Variants in TMX4 observed in about 807,000 individuals in gnomAD.
TMX4 encodes the protein thioredoxin related transmembrane protein 4.
In TMX4, 23 loss-of-function variants were observed where a neutral mutation model predicts 33.3. That is an observed-to-expected ratio of 0.69 (90% confidence interval 0.50 to 0.98). The LOEUF (loss-of-function observed/expected upper bound fraction) is 0.98, where lower values mean the gene tolerates loss of function less well. TMX4 is among the 50% of genes least tolerant of loss of function. TMX4 has a pLI of 0.00. For synonymous variants in TMX4, 164 were observed against 161.5 expected, an observed-to-expected ratio of 1.02 and a Z score of -0.12; for missense variants, 399 against 448.9, an observed-to-expected ratio of 0.89 and a Z score of 1.01.
At chr20:8,010,695 GCCAAACCAGTTTCAAAT>G (rs1206756367) in intron 1 of TMX4, among the ~76,000 whole-genome samples, 2 of 152,082 alleles carry the variant, frequency 1.3e-5, no homozygotes, top group Non-Finnish European at 2.9e-5. Context: ...CCCTAAACTA[GCCAAACCAGTTTCAAAT>G]CCATCAAAGC....
At chr20:8,013,151 T>C (rs888853342) in intron 1 of TMX4, among the ~76,000 whole-genome samples, 2 of 152,080 alleles carry the variant, frequency 1.3e-5, no homozygotes, top group African/African-American at 4.8e-5. Flanking sequence ...CATAGATACA[T>C]ATATATATAA....
At chr20:8,014,892 G>A (rs1343868453) in intron 1 of TMX4, among the ~76,000 whole-genome samples, 1 of 152,154 alleles carries the variant, frequency 6.6e-6, no homozygotes, top group East Asian at 1.9e-4. Context: ...CTTCCTCCAG[G>A]CTCCCCAGGA....
At chr20:7,997,382 C>G (rs1714800622) in intron 4 of TMX4, among the ~76,000 whole-genome samples, 1 of 152,068 alleles carries the variant, frequency 6.6e-6, no homozygotes, top group Admixed American at 6.6e-5. Context: ...ATAGCCTAAT[C>G]AATCTTTTAA....
rs1426400049 is a variant in TMX4 at position 7,978,912 on chromosome 20, T to G, written c.*3339A>C. ...CAGAAGTTTCAAACTTTCCTTCTAA[T>G]TGATGAAAAGATACCCTGCTCCAAC... On this transcript the variant is annotated 3_prime_UTR_variant, in exon 8 of 8. Transcript: ENST00000246024. The G allele has an allele frequency of 6.6e-6, 1 of 152,180 alleles. No individual in the cohort carries two copies. Among genetic ancestry groups the G allele is most frequent in the Non-Finnish European group, 1.5e-5 (1 of 68,032 alleles). 9.4% of individuals were successfully genotyped at this position (152,180 alleles called of 1,614,324 possible). A position where few individuals can be genotyped will look rare whatever the true frequency, so the allele number is the denominator to read the frequency against.
chr20:7,995,863 C>T (rs114054824), intron 5 of TMX4, among the ~76,000 whole-genome samples, 163 bp downstream of exon 5: 8 of 151,934 alleles, frequency 5.3e-5, no homozygotes, highest in Non-Finnish European at 8.8e-5. Context: ...TTCTACATGA[C>T]GACATTACCA....
intron 2 of TMX4, among the ~76,000 whole-genome samples, chr20:8,004,815 T>C (rs116667145): frequency 0.011 from 1,632 of 152,304 alleles, 18 homozygotes; most frequent in Middle Eastern, 0.027. Context: ...TTACTAAACC[T>C]ATCCTAGCCT....
intron 2 of TMX4, among the ~76,000 whole-genome samples, chr20:8,002,760 T>A (rs1450847222): frequency 1.3e-5 from 2 of 152,200 alleles, no homozygotes; most frequent in Non-Finnish European, 2.9e-5. Flanking sequence ...ATTAAATCCA[T>A]ATTCAACATA....
chr20:8,001,579 G>C (rs1035777418), intron 2 of TMX4, 38 bp from the exon 3 acceptor site: 4 of 1,569,560 alleles, frequency 2.5e-6, no homozygotes, highest in Non-Finnish European at 1.7e-6. Flanking sequence ...TTACACTTAA[G>C]TCCTCCAAAA....
chr20:7,996,201 T>A (rs935920187), intron 4 of TMX4, 130 bp from the exon 5 acceptor site: 1 of 674,524 alleles, frequency 1.5e-6, no homozygotes, highest in South Asian at 2.0e-5. Context: ...CAGATTCATA[T>A]CTGTTCTTAC....
Position 7,987,388 on chromosome 20 carries a change from T to C in TMX4, c.515A>G (p.His172Arg). 1.3e-6 allele frequency: 2 copies of C among 1,569,142 alleles called. No individual in the cohort carries two copies. Among genetic ancestry groups the C allele is most frequent in the Non-Finnish European group, 1.7e-6 (2 of 1,167,194 alleles). ...GLFSISGKIW[H>R]LHNYFTVTLG... Reference sequence around the variant, plus strand: ...AGTCACTGTGAAATAGTTGTGAAGATGCTGGAATCAGAAGAAAAAAAATAA... The same window carrying C: ...AGTCACTGTGAAATAGTTGTGAAGACGCTGGAATCAGAAGAAAAAAAATAA... The change falls in exon 6 of 8, where the codon CAT (histidine) becomes CGT (arginine). Residue 172 changes from histidine to arginine, a missense_variant and splice_region_variant. His to Arg is a conservative substitution (Grantham distance 29). Coordinates refer to ENST00000246024, the MANE Select transcript of TMX4 (RefSeq NM_021156.4).
In TMX4 at chr20:7,982,227, A is replaced by G; in HGVS notation, c.*24T>C. Reference sequence around the variant, plus strand: ...AAGCTGACATATTGTTTTGGTGTGTATTCTTGAAAACGCATCATTAAATCT... The same window carrying G: ...AAGCTGACATATTGTTTTGGTGTGTGTTCTTGAAAACGCATCATTAAATCT... On this transcript the variant is annotated 3_prime_UTR_variant, in exon 8 of 8. Coordinates refer to ENST00000246024, the MANE Select transcript of TMX4 (RefSeq NM_021156.4). 1 of 1,600,094 alleles carries G rather than the reference A, an allele frequency of 6.2e-7. No homozygotes were observed. Among genetic ancestry groups the G allele is most frequent in the African/African-American group, 1.3e-5 (1 of 74,682 alleles).
chr20:8,008,351 T>C (rs1266813813), intron 2 of TMX4, among the ~76,000 whole-genome samples: 1 of 152,150 alleles, frequency 6.6e-6, no homozygotes, highest in Non-Finnish European at 1.5e-5. Flanking sequence ...ACCAGAAGTT[T>C]TTCCTTCTTC....
At chr20:8,009,838 T>C (rs1396335676) in intron 2 of TMX4, among the ~76,000 whole-genome samples, 1 of 140,452 alleles carries the variant, frequency 7.1e-6, no homozygotes, top group Non-Finnish European at 1.5e-5. Flanking sequence ...TGAACCATGA[T>C]TGGATCCTCA....
chr20:7,991,226 T>A (rs2050653275), intron 5 of TMX4, among the ~76,000 whole-genome samples: 1 of 152,204 alleles, frequency 6.6e-6, no homozygotes, highest in African/African-American at 2.4e-5. Flanking sequence ...ATCTGCCATA[T>A]GCCTACATCC....
rs6108091 is a variant in TMX4, at chr20:7,995,128, C to G, written c.513+898G>C. Among the ~76,000 whole-genome samples the G allele has an allele frequency of 7.7e-3, 1,177 of 152,178 alleles. 11 individuals are homozygous for G. Among genetic ancestry groups the G allele is most frequent in the Non-Finnish European group, 0.013 (910 of 68,002 alleles). On this transcript the variant is annotated intron_variant, in intron 5 of 7. Transcript: ENST00000246024. ...AATACAAAAGGTTTTTCTTAAATGTCTTTCAACATATATGAATGTGTATGA... is the reference window on the plus strand; with the variant it reads ...AATACAAAAGGTTTTTCTTAAATGTGTTTCAACATATATGAATGTGTATGA...
Position 7,982,043 on chromosome 20 carries a change from C to G in TMX4, c.*208G>C, listed in dbSNP as rs1412113326. 3 of 568,752 alleles carry G rather than the reference C, an allele frequency of 5.3e-6. No homozygotes were observed. Among genetic ancestry groups the G allele is most frequent in the Non-Finnish European group, 9.2e-6 (3 of 325,184 alleles). 35.2% of individuals were successfully genotyped at this position (568,752 alleles called of 1,614,324 possible). A position where few individuals can be genotyped will look rare whatever the true frequency, so the allele number is the denominator to read the frequency against. ...AGTCTCCAAACAGATCCCAACACTACGTTTGTTTTTCTATATCCTGATTGT... is the reference window on the plus strand; with the variant it reads ...AGTCTCCAAACAGATCCCAACACTAGGTTTGTTTTTCTATATCCTGATTGT... On this transcript the variant is annotated 3_prime_UTR_variant, in exon 8 of 8. Transcript: ENST00000246024.
intron 5 of TMX4, among the ~76,000 whole-genome samples, chr20:7,991,660 A>G (rs1242205883): frequency 2.0e-5 from 3 of 152,234 alleles, no homozygotes; most frequent in Non-Finnish European, 4.4e-5. Context: ...GGCTAAAAAA[A>G]TTAACAAAAG....
chr20:7,996,538 G>A (rs2050677314), intron 4 of TMX4, among the ~76,000 whole-genome samples: 1 of 152,100 alleles, frequency 6.6e-6, no homozygotes, highest in Non-Finnish European at 1.5e-5. Flanking sequence ...TGTGAAATCA[G>A]AAGCCACCAT....
intron 5 of TMX4, among the ~76,000 whole-genome samples, chr20:7,994,004 A>C (rs889787088): frequency 6.6e-6 from 1 of 152,094 alleles, no homozygotes; most frequent in Non-Finnish European, 1.5e-5. Flanking sequence ...AAGGTTGAAA[A>C]TAGAAAAATT....
Sources: gnomAD v4.1 joint callset for allele counts (sites outside exome capture counted in the v4.1 genomes callset) on GRCh38, gnomAD v4.1.1 for gene constraint, MANE v1.5 for transcripts, NCBI Gene and HGNC (gene_info 2026-07-23, HGNC 2026-07-21) for gene names.